LRRC7: variants seen among roughly 807,000 people sequenced by gnomAD.
LRRC7 encodes the protein leucine-rich repeat-containing protein 7.
Under a neutral mutation model 175.7 loss-of-function variants are expected in LRRC7, and 23 were observed. The ratio of observed to expected loss-of-function variants is 0.13; its 90% CI spans 0.09 to 0.19. LRRC7 has a LOEUF of 0.19. LRRC7 is among the 10% of genes least tolerant of loss of function. The pLI is 1.00. For synonymous variants in LRRC7, 685 were observed against 680.9 expected (o/e 1.01, Z -0.09); for missense variants, 1,354 against 1,904.7 (o/e 0.71, Z 5.38).
intron 1 of LRRC7, among the ~76,000 whole-genome samples, chr1:69,630,305 C>T (rs1652284644): frequency 6.6e-6 from 1 of 152,074 alleles, no homozygotes; most frequent in Admixed American, 6.6e-5. Flanking sequence ...GGACAGTTTT[C>T]AATATTGTGC....
chr1:69,883,602 A>G (rs111932319), intron 7 of LRRC7, among the ~76,000 whole-genome samples: 1,115 of 74,702 alleles, frequency 0.015, 27 homozygotes, highest in East Asian at 0.059. Context: ...TTGCTGTGCA[A>G]AAGCTCTTTA....
intron 7 of LRRC7, among the ~76,000 whole-genome samples, chr1:69,895,355 G>C (rs185018889): frequency 6.6e-6 from 1 of 152,258 alleles, no homozygotes; most frequent in African/African-American, 2.4e-5. Flanking sequence ...ACTTTTGGAG[G>C]TGATGTAAAC....
intron 3 of LRRC7, among the ~76,000 whole-genome samples, chr1:69,768,432 TAAC>T (rs1671861731): frequency 6.6e-6 from 1 of 152,128 alleles, no homozygotes. Flanking sequence ...TCATACAAAA[TAAC>T]AACACCCACT....
At chr1:69,916,050 A>T (rs1487871099) in intron 7 of LRRC7, among the ~76,000 whole-genome samples, 4 of 136,066 alleles carry the variant, frequency 2.9e-5, no homozygotes, top group Non-Finnish European at 6.2e-5. Context: ...TTATATATAT[A>T]TTTTATATGT....
chr1:69,883,044 T>G (rs947254755), intron 7 of LRRC7, among the ~76,000 whole-genome samples: 176 of 152,226 alleles, frequency 1.2e-3, no homozygotes, highest in African/African-American at 4.1e-3. Context: ...TCCAAGTCTT[T>G]GCTATTGTGA....
intron 1 of LRRC7, among the ~76,000 whole-genome samples, chr1:69,596,046 A>G (rs1160900796): frequency 1.3e-5 from 2 of 152,014 alleles, no homozygotes; most frequent in Admixed American, 6.6e-5. Context: ...ATTATCCTTA[A>G]TCACTCACAG....
rs894924319 is a variant in LRRC7, at chr1:70,137,959, A to T, written c.*16072A>T. 2.6e-5 allele frequency among the ~76,000 whole-genome samples: 4 copies of T among 152,186 alleles called. No individual in the cohort carries two copies. The highest frequency in any genetic ancestry group is 9.7e-5 in the African/African-American group (4 of 41,446). On this transcript the variant is annotated 3_prime_UTR_variant, in exon 27 of 27. Transcript: ENST00000651989. ...TCCCAGAGTTTTTGCTTGCTCTTTG[A>T]GGTTAAAATCAAAGATTTTTCACTC...
chr1:69,592,434 A>C (rs1646675623), intron 1 of LRRC7, among the ~76,000 whole-genome samples: 1 of 152,064 alleles, frequency 6.6e-6, no homozygotes, highest in Admixed American at 6.6e-5. Context: ...AAAAAAGCTG[A>C]CTTTTTAGAA....
chr1:69,895,010 C>T (rs1307202183), intron 7 of LRRC7, among the ~76,000 whole-genome samples: 2 of 152,082 alleles, frequency 1.3e-5, no homozygotes, highest in African/African-American at 4.8e-5. Flanking sequence ...GCGGATCACC[C>T]GAGGTCGGGA....
chr1:69,641,417 A>G (rs905474067), intron 1 of LRRC7, among the ~76,000 whole-genome samples: 1 of 151,570 alleles, frequency 6.6e-6, no homozygotes, highest in Non-Finnish European at 1.5e-5. Context: ...ACAAATATAT[A>G]TGAGTAGAGG....
At chr1:69,887,058 C>T (rs899442564) in intron 7 of LRRC7, among the ~76,000 whole-genome samples, 1 of 149,566 alleles carries the variant, frequency 6.7e-6, no homozygotes, top group African/African-American at 2.5e-5. Context: ...ACATTTTTTC[C>T]TACATTTCAA....
chr1:70,097,198 CTTTATTAG>C (rs1225259752), intron 25 of LRRC7, among the ~76,000 whole-genome samples: 1 of 152,188 alleles, frequency 6.6e-6, no homozygotes, highest in African/African-American at 2.4e-5. Flanking sequence ...CTAAGAGCCA[CTTTATTAG>C]TCAACATATC....
intron 1 of LRRC7, chr1:69,608,028 CA>C (rs1403521345): frequency 6.6e-6 from 1 of 152,650 alleles, no homozygotes; most frequent in Non-Finnish European, 1.5e-5. Context: ...TCTTTTGAAG[CA>C]AATAGCTGAC....
chr1:69,760,181 G>C lies in LRRC7; in HGVS notation c.101-10G>C, dbSNP rs373276612. The C allele has an allele frequency of 1.9e-5, 31 of 1,610,470 alleles. No homozygotes were observed. The highest frequency in any genetic ancestry group is 2.3e-5 in the Non-Finnish European group (27 of 1,177,660). ...CTGTTTTGTTTTGTTTTGTTTCTGCGTTTCTCTAGTGCAGTGCCTGGAGAT... is the reference window on the plus strand; with the variant it reads ...CTGTTTTGTTTTGTTTTGTTTCTGCCTTTCTCTAGTGCAGTGCCTGGAGAT... On this transcript the variant is annotated splice_polypyrimidine_tract_variant and intron_variant, in intron 2 of 26. Coordinates refer to ENST00000651989, the MANE Select transcript of LRRC7 (RefSeq NM_001370785.2).
At position 70,039,527 on chromosome 1, in the gene LRRC7, A is replaced by G; in HGVS notation, c.3703A>G (p.Arg1235Gly). ...TTTTCCGGTTAAAAACCTTACCCAA[A>G]GGAGGCCATTGTCTGCGAGAAGCTA... Reference protein sequence around the residue: ...GSFPVKNLTQRRPLSARSYST... With the variant: ...GSFPVKNLTQGRPLSARSYST... The change falls in exon 21 of 27, where the codon AGG becomes GGG. Residue 1235 changes from arginine (R) to glycine (G), a missense_variant. Arg to Gly is a moderately radical substitution (Grantham distance 125). Coordinates refer to ENST00000651989, the MANE Select transcript of LRRC7 (RefSeq NM_001370785.2). 6.2e-7 allele frequency: 1 copy of G among 1,614,174 alleles called. No individual in the cohort carries two copies. The highest frequency in any genetic ancestry group is 8.5e-7 in the Non-Finnish European group (1 of 1,180,022).
At chr1:69,771,810 G>A (rs537548275) in intron 3 of LRRC7, among the ~76,000 whole-genome samples, 11 of 152,194 alleles carry the variant, frequency 7.2e-5, no homozygotes, top group African/African-American at 2.6e-4. Context: ...TTAGGTGATG[G>A]CAAACGCCAT....
chr1:69,676,989 A>T (rs549242678), intron 1 of LRRC7, among the ~76,000 whole-genome samples: 1 of 151,910 alleles, frequency 6.6e-6, no homozygotes, highest in Admixed American at 6.6e-5. Context: ...GTGCTTTTGC[A>T]TACTCATACC....
intron 9 of LRRC7, among the ~76,000 whole-genome samples, chr1:69,984,591 C>CGG (rs1301031403): frequency 2.0e-5 from 3 of 152,152 alleles, no homozygotes; most frequent in African/African-American, 7.2e-5. Context: ...CCCACATGTT[C>CGG]ACTCCTTGCC....
chr1:70,024,406 G>T (rs995615879), intron 17 of LRRC7, among the ~76,000 whole-genome samples: 2 of 151,302 alleles, frequency 1.3e-5, no homozygotes, highest in African/African-American at 4.8e-5. Flanking sequence ...AATTTTTGGG[G>T]GTCTCCAACA....
Sources: allele counts gnomAD v4.1 joint callset (sites outside exome capture counted in the v4.1 genomes callset), GRCh38; gene constraint gnomAD v4.1.1; transcripts MANE v1.5; gene names NCBI Gene and HGNC (gene_info 2026-07-23, HGNC 2026-07-21).